Variants in H2BC18 observed in about 807,000 individuals in gnomAD.
H2BC18 encodes H2B clustered histone 18, also known as histone H2B type 2-F.
A neutral mutation model predicts 6.3 loss-of-function variants in H2BC18; 8 were observed. The observed-to-expected ratio is 1.28, with a 90% CI of 0.75 to 2.31. The LOEUF (loss-of-function observed/expected upper bound fraction) is 2.31. Among genes scored for constraint, H2BC18 ranks in the 30% most tolerant of loss-of-function variants. H2BC18 has a pLI of 0.00. For missense variants in H2BC18, 106 were observed against 174.5 expected (o/e 0.61, Z 2.21); for synonymous variants, 104 against 78.1 (o/e 1.33, Z -1.75).
intron 1 of H2BC18, chr1:149,787,449 T>G (rs1319719357): frequency 6.6e-6 from 1 of 152,280 alleles, no homozygotes; most frequent in Non-Finnish European, 1.5e-5. Context: ...TTGCTAGTGA[T>G]ATCATTGATC....
At chr1:149,806,270 A>G (rs1311694856) in intron 1 of H2BC18, among the ~76,000 whole-genome samples, 1 of 152,202 alleles carries the variant, frequency 6.6e-6, no homozygotes, top group Non-Finnish European at 1.5e-5. Flanking sequence ...ATACATTAGT[A>G]TTCAGATGGT....
intron 1 of H2BC18, among the ~76,000 whole-genome samples, chr1:149,795,827 C>T (rs671102): frequency 9.2e-5 from 14 of 151,914 alleles, no homozygotes; most frequent in Non-Finnish European, 1.3e-4. Context: ...CTGAGCCATG[C>T]GTACCTAAAA....
chr1:149,791,472 G>A, intron 1 of H2BC18: 1 of 1,609,210 alleles, frequency 6.2e-7, no homozygotes, highest in Non-Finnish European at 8.5e-7. Flanking sequence ...AAGAAGAACA[G>A]CTGCAGGAAG....
At chr1:149,788,836 A>G (rs2091621934) in intron 1 of H2BC18, among the ~76,000 whole-genome samples, 1 of 152,184 alleles carries the variant, frequency 6.6e-6, no homozygotes, top group African/African-American at 2.4e-5. Context: ...ACCCCCATCA[A>G]CAATCACAGG....
intron 1 of H2BC18, among the ~76,000 whole-genome samples, chr1:149,790,666 C>T (rs2091686581): frequency 7.3e-6 from 1 of 136,484 alleles, no homozygotes; most frequent in South Asian, 2.7e-4. Flanking sequence ...ACCCCCCCTT[C>T]TCTCTCTCTC....
intron 1 of H2BC18, among the ~76,000 whole-genome samples, chr1:149,802,181 T>C (rs1559753466): frequency 6.6e-6 from 1 of 152,094 alleles, no homozygotes; most frequent in Non-Finnish European, 1.5e-5. Flanking sequence ...AAAAAAATTA[T>C]GAAAATCAGA....
chr1:149,786,508 G>A (rs143192984), intron 1 of H2BC18: 8,167 of 152,216 alleles, frequency 0.054, 233 homozygotes, highest in Non-Finnish European at 0.08. Context: ...TTTTGCCACA[G>A]TCAGCCATGG....
At chr1:149,808,477 C>T (rs1378110835), downstream of H2BC18, among the ~76,000 whole-genome samples, 1 of 152,074 alleles carries the variant, frequency 6.6e-6, no homozygotes, top group Non-Finnish European at 1.5e-5. Flanking sequence ...CAGTTTAATT[C>T]TCTCTTTTAG....
chr1:149,793,853 G>A (rs1163377184), intron 1 of H2BC18: 241 of 1,266,664 alleles, frequency 1.9e-4, no homozygotes, highest in Non-Finnish European at 2.3e-4. Flanking sequence ...AATCCCCAAA[G>A]CAGACCAACC....
intron 1 of H2BC18, chr1:149,793,237 A>AGGC (rs1559749515): frequency 9.5e-6 from 12 of 1,258,876 alleles, no homozygotes; most frequent in East Asian, 7.2e-5. Flanking sequence ...GAGCAGCCGG[A>AGGC]GGCGGCGGCG....
At chr1:149,792,286 G>A (rs1381352306) in intron 1 of H2BC18, 1 of 217,786 alleles carries the variant, frequency 4.6e-6, no homozygotes, top group Non-Finnish European at 8.7e-6. Context: ...GACGCTTCAA[G>A]TGGGGAGAAG....
chr1:149,792,239 G>T (rs144844341), intron 1 of H2BC18: 1,883 of 175,908 alleles, frequency 0.011, 14 homozygotes, highest in Middle Eastern at 0.02. Context: ...TTTGTTTAAC[G>T]ATTAAGTCCA....
chr1:149,801,040 C>T (rs202031799), intron 1 of H2BC18, among the ~76,000 whole-genome samples: 4 of 152,130 alleles, frequency 2.6e-5, no homozygotes, highest in African/African-American at 4.8e-5. Flanking sequence ...GAGTTGAGAT[C>T]GTGCCACTGC....
intron 1 of H2BC18, chr1:149,805,253 G>A (rs1449508133): frequency 1.3e-5 from 2 of 151,946 alleles, no homozygotes; most frequent in African/African-American, 4.8e-5. Flanking sequence ...AATTATCGGG[G>A]ACTTACCAGA....
chr1:149,794,028 C>T (rs1256410442), intron 1 of H2BC18: 1 of 685,640 alleles, frequency 1.5e-6, no homozygotes. Flanking sequence ...TGACAGCTGG[C>T]TGGGAGGGGG....
rs1472611692 is a variant in H2BC18 at position 149,812,252 on chromosome 1, C to T, written c.72G>A (p.Lys24=). ...GSKKAVTKVQ[K]KDGKKRKRSR... is the part of the protein sequence containing the mutation. ...TGCGCTTGCGCTTCTTGCCGTCCTT[C>T]TTCTGCACTTTCGTAACAGCCTTTT... Residue 24 remains lysine, a synonymous_variant, in exon 1 of 1, where the codon AAG becomes AAA. Transcript: ENST00000369167. The T allele has an allele frequency of 1.9e-6, 3 of 1,614,142 alleles. No individual in the cohort carries two copies. The highest frequency in any genetic ancestry group is 2.5e-6 in the Non-Finnish European group (3 of 1,180,046).
downstream of H2BC18, chr1:149,811,723 G>C: frequency 1.5e-6 from 1 of 676,130 alleles, no homozygotes; most frequent in South Asian, 2.0e-5. Flanking sequence ...AACTCAGTAA[G>C]ACTGGACGGG....
chr1:149,809,300 G>A (rs2091950530), downstream of H2BC18, among the ~76,000 whole-genome samples: 1 of 130,954 alleles, frequency 7.6e-6, no homozygotes, highest in African/African-American at 3.0e-5. Context: ...CATCATTTTA[G>A]CTACATAGAT....
downstream of H2BC18, chr1:149,811,475 G>A (rs1480576581): frequency 5.6e-6 from 1 of 177,366 alleles, no homozygotes; most frequent in East Asian, 1.6e-4. Context: ...GTAGGTATAT[G>A]GTAAGGAAAA....
Sources: gnomAD v4.1 joint callset for allele counts (sites outside exome capture counted in the v4.1 genomes callset) on GRCh38, gnomAD v4.1.1 for gene constraint, MANE v1.5 for transcripts, NCBI Gene and HGNC (gene_info 2026-07-23, HGNC 2026-07-21) for gene names.